Variants in MYH13 observed in about 807,000 individuals in gnomAD.
The protein encoded by MYH13 is myosin heavy chain 13, also known as myosin-13.
In MYH13, 177 loss-of-function variants were observed where a neutral mutation model predicts 232.1. The observed-to-expected ratio is 0.76, with a 90% CI of 0.67 to 0.86. The LOEUF (loss-of-function observed/expected upper bound fraction) is 0.86. MYH13 is among the 40% of genes least tolerant of loss of function. The pLI, the probability that MYH13 is intolerant of heterozygous loss-of-function variation, is 0.00. For missense variants in MYH13, 2,246 were observed against 2,405.9 expected (o/e 0.93, Z 1.39); for synonymous variants, 884 against 923.5 (o/e 0.96, Z 0.78).
At chr17:10,365,803 T>A (rs1280375389) in intron 2 of MYH13, among the ~76,000 whole-genome samples, 1 of 151,536 alleles carries the variant, frequency 6.6e-6, no homozygotes, top group African/African-American at 2.4e-5. Flanking sequence ...CAAATATTGT[T>A]TAGTTAGATT....
chr17:10,317,071 G>C lies in MYH13; in HGVS notation c.3739-1046C>G, dbSNP rs547842618. Among the ~76,000 whole-genome samples, 3 of 152,252 alleles carry C rather than the reference G, an allele frequency of 2.0e-5. No individual in the cohort carries two copies. The East Asian group carries it at 5.8e-4, about 30-fold the overall frequency. On this transcript the variant is annotated intron_variant, in intron 27 of 40. Transcript: ENST00000252172. ...CTGAAAAAGCGTTAAGAGACATGAC[G>C]TGCTGCTTCCCCTGGATGTTAAAAT...
At chr17:10,368,053 G>T (rs953231449) in intron 2 of MYH13, among the ~76,000 whole-genome samples, 1 of 152,008 alleles carries the variant, frequency 6.6e-6, no homozygotes, top group Non-Finnish European at 1.5e-5. Flanking sequence ...TCCCATATGT[G>T]AATTTCATAC....
chr17:10,355,828 C>CTTTTTTTTTTTT (rs61338527), intron 8 of MYH13, among the ~76,000 whole-genome samples: 10 of 66,814 alleles, frequency 1.5e-4, no homozygotes, highest in South Asian at 7.6e-4. Context: ...TTCTGTCTGA[C>CTTTTTTTTTTTT]TTTTTTTTTT....
chr17:10,311,047 C>T, intron 33 of MYH13, 56 bp downstream of exon 33: 3 of 1,604,676 alleles, frequency 1.9e-6, no homozygotes, highest in Non-Finnish European at 2.6e-6. Flanking sequence ...TGAAGGGCAG[C>T]CTCTTTCAGT....
In MYH13 at chr17:10,303,191, C is replaced by T. The variant is rs1241036618; in HGVS notation, c.5667+5G>A. The T allele has an allele frequency of 3.1e-6, 5 of 1,612,236 alleles. No homozygotes were observed. The African/African-American group carries it at 4.0e-5, about 13-fold the overall frequency. ...TGGGCACTGCCGGGGACCTCCTGTG[C>T]TTACCGCCTCCTCAGCCTGCCTCTT... On this transcript the variant is annotated splice_donor_5th_base_variant and intron_variant, in intron 39 of 40. Coordinates refer to ENST00000252172, the MANE Select transcript of MYH13 (RefSeq NM_003802.3).
Position 10,362,405 on chromosome 17 carries a change from A to C in MYH13, c.303T>G (p.Ala101=). The C allele has an allele frequency of 6.2e-7, 1 of 1,614,234 alleles. No individual in the cohort carries two copies. The highest frequency in any genetic ancestry group is 8.5e-7 in the Non-Finnish European group (1 of 1,180,038). The part of the protein sequence containing the change: ...MAMMTHLHEP[A]VLYNLKERYA... ...AGCGCTCTTTGAGGTTGTACAGAAC[A>C]GCAGGTTCATGCAGGTGAGTCATCA... Residue 101 remains alanine, a synonymous_variant, in exon 4 of 41, where the codon GCT becomes GCG. Transcript: ENST00000252172.
chr17:10,337,972 G>C (rs2071588818), intron 18 of MYH13, among the ~76,000 whole-genome samples: 1 of 152,122 alleles, frequency 6.6e-6, no homozygotes, highest in Admixed American at 6.5e-5. Flanking sequence ...AGAATAGCTT[G>C]AACCAGGGAG....
chr17:10,338,698 T>G (rs577959119), intron 18 of MYH13, among the ~76,000 whole-genome samples: 192 of 121,338 alleles, frequency 1.6e-3, no homozygotes, highest in African/African-American at 5.6e-3. Flanking sequence ...TGTTTTTTTT[T>G]TTTTTTTGTT....
At chr17:10,347,720 T>C (rs2071676855) in intron 12 of MYH13, among the ~76,000 whole-genome samples, 2 of 143,052 alleles carry the variant, frequency 1.4e-5, no homozygotes, top group African/African-American at 2.6e-5. Flanking sequence ...TTCTTTTTTT[T>C]TTTTTTTTTT....
At position 10,315,697 on chromosome 17, in the gene MYH13, G is replaced by A; in HGVS notation, c.3980C>T (p.Thr1327Ile). The change falls in exon 29 of 41, where the codon ACC (threonine) becomes ATC (isoleucine). Residue 1327 changes from threonine (T) to isoleucine (I), a missense_variant. Thr to Ile is a moderately conservative substitution (Grantham distance 89). Coordinates refer to ENST00000252172, the MANE Select transcript of MYH13 (RefSeq NM_003802.3). ...EELKRQMEEE[T>I]KAKNAMAHAL... ...AATCTGACTCTATATCTTTACCTTG[G>A]TTTCTTCTTCCATTTGCCTCTTAAG... 5 of 1,613,626 alleles carry A rather than the reference G, an allele frequency of 3.1e-6. No individual in the cohort carries two copies. The highest frequency in any genetic ancestry group is 4.2e-6 in the Non-Finnish European group (5 of 1,179,686).
chr17:10,356,826 G>C (rs144500423), intron 8 of MYH13, among the ~76,000 whole-genome samples: 572 of 152,338 alleles, frequency 3.8e-3, no homozygotes, highest in Middle Eastern at 0.014. Context: ...CCACTGGCCA[G>C]TGAAATGAAA....
At chr17:10,311,802 G>C (rs574999363) in intron 32 of MYH13, 109 bp downstream of exon 32, 2 of 1,282,254 alleles carry the variant, frequency 1.6e-6, no homozygotes, top group Non-Finnish European at 2.2e-6. Flanking sequence ...GGTGAGGATC[G>C]TGTGGGGCAG....
intron 33 of MYH13, 117 bp from the exon 34 acceptor site, chr17:10,309,947 T>TG: frequency 2.4e-5 from 6 of 252,680 alleles, no homozygotes; most frequent in South Asian, 1.7e-4. Flanking sequence ...TAAATTTAAA[T>TG]TTTTTTTTTT....
chr17:10,355,058 CG>C (rs773377089), intron 9 of MYH13, 25 bp downstream of exon 9: 1 of 1,608,600 alleles, frequency 6.2e-7, no homozygotes, highest in South Asian at 1.1e-5. Context: ...AAAACACCAA[CG>C]GATTTATAGA....
At chr17:10,302,841 C>T (rs1412756525) in intron 39 of MYH13, among the ~76,000 whole-genome samples, 1 of 151,548 alleles carries the variant, frequency 6.6e-6, no homozygotes, top group Non-Finnish European at 1.5e-5. Flanking sequence ...GTCATGGGAG[C>T]AGGAATGGCT....
rs35069886 is a variant in MYH13, at chr17:10,309,647, C to G, written c.4840G>C (p.Asp1614His). 23,174 of 1,611,840 alleles carry G rather than the reference C, an allele frequency of 0.014. 209 individuals are homozygous for G. Among genetic ancestry groups the G allele is most frequent in the Admixed American group, 0.016 (966 of 59,766 alleles). The change falls in exon 34 of 41, where the codon GAC (aspartate) becomes CAC (histidine). Residue 1614 changes from aspartate (D) to histidine (H), a missense_variant. By Grantham distance (81) the Asp-to-His change is moderately conservative. Transcript: ENST00000252172. Reference sequence around the variant, plus strand: ...ATCTTCTTCTTTAGCCTCAGGGCGTCGTTCCGGCTGCGGATTTCAGCATCC... The same window carrying G: ...ATCTTCTTCTTTAGCCTCAGGGCGTGGTTCCGGCTGCGGATTTCAGCATCC... ...VLDAEIRSRN[D>H]ALRLKKKMEG... is the part of the protein sequence containing the mutation.
chr17:10,317,096 T>C (rs1906743133), intron 27 of MYH13, among the ~76,000 whole-genome samples: 1 of 151,928 alleles, frequency 6.6e-6, no homozygotes, highest in African/African-American at 2.4e-5. Flanking sequence ...GATGTTAAAA[T>C]TGAGAACAGA....
At chr17:10,319,508 C>CAAA (rs757587723) in intron 26 of MYH13, among the ~76,000 whole-genome samples, 4 of 61,540 alleles carry the variant, frequency 6.5e-5, no homozygotes, top group East Asian at 3.2e-4. Flanking sequence ...GACTCGGTCT[C>CAAA]AAAAAAAAAA....
Position 10,344,098 on chromosome 17 carries a change from G to C in MYH13, c.1596C>G (p.Ile532Met). 6.2e-7 allele frequency: 1 copy of C among 1,614,010 alleles called. No individual in the cohort carries two copies. Among genetic ancestry groups the C allele is most frequent in the East Asian group, 2.2e-5 (1 of 44,882 alleles). The change falls in exon 16 of 41, where the codon ATC becomes ATG. Residue 532 changes from isoleucine to methionine, a missense_variant. Ile to Met is a conservative substitution (Grantham distance 10). Transcript: ENST00000252172. ...TGCACTCCTCTTCCAGGATGGAGAA[G>C]ATGCCCATAGGCTGGAAAGAGGATA... ...CIELIEKPMG[I>M]FSILEEECMF...
Sources: gnomAD v4.1 joint callset for allele counts (sites outside exome capture counted in the v4.1 genomes callset) on GRCh38, gnomAD v4.1.1 for gene constraint, MANE v1.5 for transcripts, NCBI Gene and HGNC (gene_info 2026-07-23, HGNC 2026-07-21) for gene names.